ZNF717: variants seen among roughly 807,000 people sequenced by gnomAD.
The protein encoded by ZNF717 is krueppel-like factor X17.
ZNF717 carries 9 observed loss-of-function variants against 13.8 expected under a neutral mutation model. That is an observed-to-expected ratio of 0.65 (90% CI 0.39 to 1.14). The LOEUF is 1.14. ZNF717 is among the 50% of genes most tolerant of loss of function. The pLI is 0.01. For synonymous variants in ZNF717, 327 were observed against 364.1 expected (o/e 0.90, Z 1.16); for missense variants, 1,040 against 1,080.7 (o/e 0.96, Z 0.53).
At chr3:75,776,659 A>G (rs1025923623) in intron 2 of ZNF717, among the ~76,000 whole-genome samples, 1 of 152,214 alleles carries the variant, frequency 6.6e-6, no homozygotes, top group African/African-American at 2.4e-5. Flanking sequence ...TAGTCTCACA[A>G]TTCAGAAGGG....
chr3:75,762,762 C>G (rs1943141069), intron 2 of ZNF717, among the ~76,000 whole-genome samples: 1 of 151,804 alleles, frequency 6.6e-6, no homozygotes, highest in African/African-American at 2.4e-5. Context: ...AATCTTGAAA[C>G]AGAACAAAAT....
At chr3:75,734,928 C>A (rs112710698), downstream of ZNF717, among the ~76,000 whole-genome samples, 1 of 149,514 alleles carries the variant, frequency 6.7e-6, no homozygotes, top group Non-Finnish European at 1.5e-5. Context: ...CTGGTTCAAG[C>A]AATTCTCCTG....
intron 2 of ZNF717, among the ~76,000 whole-genome samples, chr3:75,745,295 T>C (rs1175212670): frequency 2.0e-5 from 3 of 152,010 alleles, no homozygotes; most frequent in African/African-American, 4.8e-5. Flanking sequence ...TGGCATCCTA[T>C]GTAAGGGAAA....
intron 2 of ZNF717, 166 bp from the exon 3 acceptor site, chr3:75,741,902 G>T: frequency 1.2e-6 from 1 of 828,602 alleles, no homozygotes. Flanking sequence ...CAAAGCATCA[G>T]CCCAAAGATT....
At chr3:75,714,034 A>G (rs1937999328) in intron 5 of ZNF717, among the ~76,000 whole-genome samples, 1 of 152,102 alleles carries the variant, frequency 6.6e-6, no homozygotes, top group South Asian at 2.1e-4. Context: ...TAGTACTTTC[A>G]CTAATTTTGC....
At chr3:75,696,787 G>A in intron 6 of ZNF717, among the ~76,000 whole-genome samples, 1 of 152,410 alleles carries the variant, frequency 6.6e-6, no homozygotes, top group Admixed American at 6.5e-5. Context: ...CAGCTACTCG[G>A]GAGGCTGAAG....
chr3:75,749,248 C>T (rs74625050), intron 2 of ZNF717, among the ~76,000 whole-genome samples: 152 of 141,132 alleles, frequency 1.1e-3, no homozygotes, highest in African/African-American at 3.9e-3. Context: ...TGCTGTGGTC[C>T]GAATGTTTTT....
At chr3:75,712,616 C>T (rs1310635154) in intron 5 of ZNF717, among the ~76,000 whole-genome samples, 1 of 152,100 alleles carries the variant, frequency 6.6e-6, no homozygotes, top group Non-Finnish European at 1.5e-5. Flanking sequence ...CTGTACTTTC[C>T]CTCTTAAATA....
intron 6 of ZNF717, among the ~76,000 whole-genome samples, chr3:75,700,301 GA>G (rs1209090400): frequency 6.6e-6 from 1 of 152,282 alleles, no homozygotes; most frequent in Non-Finnish European, 1.5e-5. Context: ...GGCTGAGGCA[GA>G]GAATTGCTTG....
chr3:75,768,730 A>G (rs1231224261), intron 2 of ZNF717, among the ~76,000 whole-genome samples: 1 of 150,718 alleles, frequency 6.6e-6, no homozygotes, highest in Non-Finnish European at 1.5e-5. Flanking sequence ...TGGGGGGTAG[A>G]TGACAGGCCA....
chr3:75,736,509 T>C lies in ZNF717; in HGVS notation c.*369A>G. ...TTTACTGACACAGAGAAAGTCTGAGTGGTCCACATAGAAGATCAAACCAGC... is the reference window on the plus strand; with the variant it reads ...TTTACTGACACAGAGAAAGTCTGAGCGGTCCACATAGAAGATCAAACCAGC... On this transcript the variant is annotated 3_prime_UTR_variant, in exon 5 of 5. Transcript: ENST00000652011. 4.8e-6 allele frequency: 1 copy of C among 210,460 alleles called. No individual in the cohort carries two copies. Among genetic ancestry groups the C allele is most frequent in the Non-Finnish European group, 9.4e-6 (1 of 106,784 alleles). 13.0% of individuals were successfully genotyped at this position (210,460 alleles called of 1,614,324 possible).
At chr3:75,776,885 G>C (rs1489410677) in intron 2 of ZNF717, among the ~76,000 whole-genome samples, 1 of 152,130 alleles carries the variant, frequency 6.6e-6, no homozygotes, top group African/African-American at 2.4e-5. Flanking sequence ...TAAAGATTTG[G>C]TTGTAGGGAA....
At chr3:75,755,635 A>T (rs1178985281) in intron 2 of ZNF717, among the ~76,000 whole-genome samples, 2 of 152,152 alleles carry the variant, frequency 1.3e-5, no homozygotes, top group Non-Finnish European at 2.9e-5. Context: ...TATTTGTGGG[A>T]CAGTGGGATA....
chr3:75,738,946 A>G lies in ZNF717; in HGVS notation c.677T>C (p.Ile226Thr). The stretch of plus-strand genomic sequence containing the variant: ...CTGTACTATATGAACCCTCTTATGT[A>G]TAAAGAACATTGCCTCCGTGTTGAA... ...KTFNTEAMFFIHKRVHIVQTF... is the reference protein window; with the variant it reads ...KTFNTEAMFFTHKRVHIVQTF... The change falls in exon 5 of 5, where the codon ATA (isoleucine) becomes ACA (threonine). Residue 226 changes from isoleucine to threonine, a missense_variant. By Grantham distance (89) the Ile-to-Thr change is moderately conservative. Coordinates refer to ENST00000652011, the MANE Select transcript of ZNF717 (RefSeq NM_001290208.3). 4 of 1,551,566 alleles carry G rather than the reference A, an allele frequency of 2.6e-6. No individual in the cohort carries two copies. In the South Asian group the frequency reaches 4.8e-5, roughly 18 times the overall value.
At chr3:75,719,403 C>T (rs1202990377) in intron 4 of ZNF717, among the ~76,000 whole-genome samples, 6 of 152,052 alleles carry the variant, frequency 3.9e-5, no homozygotes, top group African/African-American at 2.4e-5. Context: ...GCAGCAAGCA[C>T]TAGGAATTTT....
intron 4 of ZNF717, among the ~76,000 whole-genome samples, chr3:75,717,024 C>T (rs796938929): frequency 1.3e-5 from 2 of 151,252 alleles, no homozygotes; most frequent in East Asian, 3.9e-4. Context: ...AGACACTGTG[C>T]AGTCTTTTTC....
chr3:75,696,892 C>CAAAAAAAAAAAAAAA (rs142213799), intron 6 of ZNF717, among the ~76,000 whole-genome samples: 2 of 61,462 alleles, frequency 3.3e-5, no homozygotes, highest in East Asian at 3.6e-4. Flanking sequence ...GACTTCATCT[C>CAAAAAAAAAAAAAAA]AAAAAAAAAA....
chr3:75,764,143 T>C (rs201807374), intron 2 of ZNF717, among the ~76,000 whole-genome samples: 1 of 151,134 alleles, frequency 6.6e-6, no homozygotes, highest in African/African-American at 2.4e-5. Context: ...ATGTGGTTGT[T>C]ATTCCAAATA....
At chr3:75,748,276 A>G (rs1354373354) in intron 2 of ZNF717, among the ~76,000 whole-genome samples, 1 of 152,220 alleles carries the variant, frequency 6.6e-6, no homozygotes, top group African/African-American at 2.4e-5. Context: ...ATAAGCTGGT[A>G]CCATTCCTTC....
Sources: gnomAD v4.1 joint callset for allele counts (sites outside exome capture counted in the v4.1 genomes callset) on GRCh38, gnomAD v4.1.1 for gene constraint, MANE v1.5 for transcripts, NCBI Gene and HGNC (gene_info 2026-07-23, HGNC 2026-07-21) for gene names.